The following NPHP3 variants were observed in gnomAD, a reference collection of about 807,000 sequenced individuals.
The protein encoded by NPHP3 is nephrocystin-3.
In NPHP3, 123 loss-of-function variants were observed where a neutral mutation model predicts 171.9. The observed-to-expected ratio is 0.72, with a 90% confidence interval of 0.62 to 0.83. The LOEUF is 0.83. Among genes scored for constraint, NPHP3 ranks in the 40% least tolerant of loss-of-function variants. The pLI, the probability that NPHP3 is intolerant of heterozygous loss-of-function variation, is 0.00. For synonymous variants in NPHP3, 558 were observed against 579.2 expected, an observed-to-expected ratio of 0.96 and a Z score of 0.52; for missense variants, 1,506 against 1,591.9, an observed-to-expected ratio of 0.95 and a Z score of 0.92.
At chr3:132,710,156 T>C (rs548277533) in intron 6 of NPHP3, among the ~76,000 whole-genome samples, 2 of 152,280 alleles carry the variant, frequency 1.3e-5, no homozygotes, top group South Asian at 4.1e-4. Context: ...AGTTGCACTT[T>C]AGGATCCCTT....
intron 2 of NPHP3, 39 bp from the exon 3 acceptor site, chr3:132,719,183 T>C: frequency 6.6e-7 from 1 of 1,514,830 alleles, no homozygotes; most frequent in Non-Finnish European, 9.0e-7. Flanking sequence ...AGCTTTTTCA[T>C]AATCAAAAAG....
chr3:132,699,955 C>T lies in NPHP3; in HGVS notation c.1850G>A (p.Ser617Asn). The T allele has an allele frequency of 6.2e-7, 1 of 1,614,126 alleles. No individual in the cohort carries two copies. Among genetic ancestry groups the T allele is most frequent in the Non-Finnish European group, 8.5e-7 (1 of 1,180,028 alleles). Residue 617 changes from serine to asparagine, a missense_variant, in exon 12 of 27, where the codon AGC becomes AAC. By Grantham distance (46) the Ser-to-Asn change is conservative (BLOSUM62 1). This residue lies in a region of NPHP3 where 930 missense variants were observed against 924.9 expected (regional missense o/e 1.01). Transcript: ENST00000337331. ...TATAGAATCAATAACGATGATGATG[C>T]TGCCTTGATGACGAGCAGAGAGTTT... The part of the protein sequence containing the change: ...LEKLSARHQG[S>N]IIIVIDSIDQ...
chr3:132,690,704 A>C, intron 18 of NPHP3, 54 bp from the exon 19 acceptor site: 1 of 1,589,666 alleles, frequency 6.3e-7, no homozygotes, highest in South Asian at 1.1e-5. Context: ...AGACTGCTTC[A>C]AAAAGGCTTC....
At chr3:132,682,340 C>A in intron 26 of NPHP3, 1 of 564,672 alleles carries the variant, frequency 1.8e-6, no homozygotes, top group Non-Finnish European at 3.1e-6. Context: ...AATTGCTAAG[C>A]AAAGTTAGGT....
At chr3:132,684,080 C>T (rs1939097832) in intron 24 of NPHP3, among the ~76,000 whole-genome samples, 1 of 152,146 alleles carries the variant, frequency 6.6e-6, no homozygotes, top group East Asian at 1.9e-4. Context: ...AAATATCACT[C>T]AGTATAGAAC....
At position 132,694,936 on chromosome 3, in the gene NPHP3, A is replaced by C. The variant is rs1228513298; in HGVS notation, c.2201T>G (p.Ile734Ser). The C allele has an allele frequency of 8.1e-6, 13 of 1,613,808 alleles. No individual in the cohort carries two copies. The highest frequency in any genetic ancestry group is 1.1e-5 in the Non-Finnish European group (13 of 1,179,918). Residue 734 changes from isoleucine to serine, a missense_variant, in exon 16 of 27, where the codon ATC becomes AGC. Ile to Ser is a moderately radical substitution (Grantham distance 142). Coordinates refer to ENST00000337331, the MANE Select transcript of NPHP3 (RefSeq NM_153240.5). Reference sequence around the variant, plus strand: ...TTGACACTGGAAACACTGATGAAGGATTTTATCTAAATTGCCTGCTCTCCC... The same window carrying C: ...TTGACACTGGAAACACTGATGAAGGCTTTTATCTAAATTGCCTGCTCTCCC... ...RAGRAGNLDK[I>S]LHQCFQCQDT...
Position 132,696,697 on chromosome 3 carries a change from A to G in NPHP3, c.2171+34T>C, listed in dbSNP as rs541120501. The G allele has an allele frequency of 2.8e-5, 45 of 1,589,656 alleles. No individual in the cohort carries two copies. The South Asian group carries it at 4.5e-4, about 16-fold the overall frequency. ...AAAGGGTCTGCAGCAAACACAAAACATGCAGAAGATCATGTAAAATAATCA... is the reference window on the plus strand; with the variant it reads ...AAAGGGTCTGCAGCAAACACAAAACGTGCAGAAGATCATGTAAAATAATCA... On this transcript the variant is annotated intron_variant, in intron 15 of 26. Coordinates refer to ENST00000337331, the MANE Select transcript of NPHP3 (RefSeq NM_153240.5).
At chr3:132,718,699 T>C (rs1055687430) in intron 3 of NPHP3, among the ~76,000 whole-genome samples, 57 of 152,306 alleles carry the variant, frequency 3.7e-4, no homozygotes, top group African/African-American at 1.2e-3. Flanking sequence ...TTGGCTAAAA[T>C]GCAGATGTGC....
chr3:132,700,377 G>C lies in NPHP3; in HGVS notation c.1700C>G (p.Thr567Ser), dbSNP rs1166450739. 5 of 1,613,276 alleles carry C rather than the reference G, an allele frequency of 3.1e-6. No homozygotes were observed. The East Asian group carries it at 6.7e-5, about 22-fold the overall frequency. Residue 567 changes from threonine (T) to serine (S), a missense_variant, in exon 11 of 27, where the codon ACC (threonine) becomes AGC (serine). Physicochemically the swap from Thr to Ser is moderately conservative, Grantham distance 58 (BLOSUM62 1). Around this residue, in one of 3 missense-constraint regions of NPHP3, gnomAD observed 930 missense variants for 924.9 expected, o/e 1.01. Transcript: ENST00000337331. The stretch of plus-strand genomic sequence containing the variant: ...AATAATCAAGGAGGACTCTGAGCTG[G>C]TTGACATGGGCCTTCCCACAAAATG... ...LSHFVGRPMS[T>S]SSESSLIIKR... is the part of the protein sequence containing the mutation.
chr3:132,697,599 A>C (rs929498345), intron 13 of NPHP3, among the ~76,000 whole-genome samples: 2 of 152,240 alleles, frequency 1.3e-5, no homozygotes, highest in African/African-American at 4.8e-5. Flanking sequence ...CAGTATATAC[A>C]TTAGATAGTT....
At position 132,722,374 on chromosome 3, in the gene NPHP3, T is replaced by G; in HGVS notation, c.-19A>C. The G allele has an allele frequency of 6.4e-7, 1 of 1,572,482 alleles. No homozygotes were observed. Among genetic ancestry groups the G allele is most frequent in the Admixed American group, 1.7e-5 (1 of 57,458 alleles). The stretch of plus-strand genomic sequence containing the variant: ...TCCCCATGGCGTCCGTTGCCGCTAC[T>G]ACCTAGTGAGTACCAGCAGGACTGG... On this transcript the variant is annotated 5_prime_UTR_variant, in exon 1 of 27. Transcript: ENST00000337331.
chr3:132,707,278 C>A (rs555636944), intron 7 of NPHP3, among the ~76,000 whole-genome samples: 241 of 152,174 alleles, frequency 1.6e-3, no homozygotes, highest in Non-Finnish European at 3.0e-3. Context: ...GCGTGGACAA[C>A]ATAATAAGTC....
chr3:132,704,969 G>A (rs935877870), intron 8 of NPHP3, among the ~76,000 whole-genome samples: 9 of 152,082 alleles, frequency 5.9e-5, no homozygotes, highest in African/African-American at 1.9e-4. Context: ...AAAATGTGTT[G>A]CCAGAGGTCA....
intron 11 of NPHP3, 21 bp downstream of exon 11, chr3:132,700,313 C>T (rs1391503286): frequency 1.3e-6 from 2 of 1,516,290 alleles, no homozygotes; most frequent in Non-Finnish European, 1.8e-6. Context: ...TTCTGTAATT[C>T]CAAAAGATGG....
intron 1 of NPHP3, among the ~76,000 whole-genome samples, chr3:132,720,597 C>T (rs544946202): frequency 6.6e-6 from 1 of 152,174 alleles, no homozygotes; most frequent in Non-Finnish European, 1.5e-5. Context: ...AACTGCTACA[C>T]GGACTTCTTC....
chr3:132,695,009 C>A (rs763931755), intron 15 of NPHP3, 44 bp from the exon 16 acceptor site: 1 of 1,604,934 alleles, frequency 6.2e-7, no homozygotes, highest in Admixed American at 1.7e-5. Context: ...AGATTGCCAA[C>A]ATCTGTGAAA....
chr3:132,716,470 A>G (rs1156725013), intron 4 of NPHP3, among the ~76,000 whole-genome samples: 1 of 152,190 alleles, frequency 6.6e-6, no homozygotes, highest in Non-Finnish European at 1.5e-5. Context: ...CAATTAATCT[A>G]CATTAGATTT....
chr3:132,690,493 C>T (rs773772991), intron 19 of NPHP3, 35 bp downstream of exon 19: 7 of 1,600,120 alleles, frequency 4.4e-6, no homozygotes, highest in Non-Finnish European at 6.0e-6. Flanking sequence ...TTAAATCTCT[C>T]TTTCTGGGGA....
intron 6 of NPHP3, among the ~76,000 whole-genome samples, chr3:132,711,710 TA>T (rs761486947): frequency 2.0e-5 from 3 of 151,806 alleles, no homozygotes; most frequent in Admixed American, 6.6e-5. Context: ...CCAAGTAAGA[TA>T]AAAAAACTAC....
Sources: gnomAD v4.1 joint callset for allele counts (sites outside exome capture counted in the v4.1 genomes callset) on GRCh38, gnomAD v4.1.1 for gene constraint, gnomAD v4.1.1 regional missense constraint, MANE v1.5 for transcripts, NCBI Gene and HGNC (gene_info 2026-07-23, HGNC 2026-07-21) for gene names.